The following DNAH12 variants were observed in gnomAD, a reference collection of about 807,000 sequenced individuals.
DNAH12 encodes dynein axonemal heavy chain 12.
Under a neutral mutation model 371.5 loss-of-function variants are expected in DNAH12, and 285 were observed. The ratio of observed to expected loss-of-function variants is 0.77; its 90% CI spans 0.70 to 0.85. The LOEUF is 0.85. DNAH12 is among the 40% of genes least tolerant of loss of function. DNAH12 has a pLI of 0.00. For synonymous variants in DNAH12, 1,200 were observed against 1,213.0 expected, an observed-to-expected ratio of 0.99 and a Z score of 0.22; for missense variants, 3,611 against 3,689.4, an observed-to-expected ratio of 0.98 and a Z score of 0.55.
intron 62 of DNAH12, among the ~76,000 whole-genome samples, chr3:57,326,798 T>C (rs377372530): frequency 5.9e-5 from 9 of 152,236 alleles, no homozygotes; most frequent in African/African-American, 7.2e-5. Flanking sequence ...CATCAGTGTG[T>C]TGTATTCAGG....
intron 62 of DNAH12, among the ~76,000 whole-genome samples, chr3:57,329,965 C>T (rs1451129816): frequency 1.3e-5 from 2 of 151,726 alleles, no homozygotes; most frequent in African/African-American, 4.8e-5. Context: ...TGAAAAAATG[C>T]TCACCATCAC....
In DNAH12 at chr3:57,293,987, G is replaced by A. The variant is rs2061176550; in HGVS notation, c.11693-16C>T. ...GATTTTTGAGCTTGAAAAAAAAAAA[G>A]AAATATATTCACTTGATAAAGGGAA... On this transcript the variant is annotated splice_polypyrimidine_tract_variant and intron_variant, in intron 73 of 73. Transcript: ENST00000495027. 5.8e-6 allele frequency: 8 copies of A among 1,390,834 alleles called. No homozygotes were observed. The highest frequency in any genetic ancestry group is 2.7e-5 in the East Asian group (1 of 37,370). 86.2% of individuals were successfully genotyped at this position (1,390,834 alleles called of 1,614,324 possible).
chr3:57,351,262 G>C lies in DNAH12; in HGVS notation c.9674+823C>G, dbSNP rs111840454. ...CCAGCCTGGGCAACAGAGTGAGACT[G>C]TCTCAAAACAAACAAACAAACAAAC... On this transcript the variant is annotated intron_variant, in intron 60 of 73. Transcript: ENST00000495027. 7.2e-3 allele frequency among the ~76,000 whole-genome samples: 1,079 copies of C among 150,836 alleles called. 7 individuals are homozygous for C. Among genetic ancestry groups the C allele is most frequent in the African/African-American group, 0.025 (1,005 of 41,016 alleles).
At chr3:57,452,138 C>T (rs1289898533) in intron 25 of DNAH12, among the ~76,000 whole-genome samples, 1 of 152,112 alleles carries the variant, frequency 6.6e-6, no homozygotes, top group Non-Finnish European at 1.5e-5. Context: ...ATTGAGGTCG[C>T]TGCAGTCTGG....
chr3:57,347,532 A>G (rs1463361541), intron 60 of DNAH12, among the ~76,000 whole-genome samples: 1 of 152,086 alleles, frequency 6.6e-6, no homozygotes, highest in Non-Finnish European at 1.5e-5. Flanking sequence ...CCTGGCCAAC[A>G]TGGTAAAACC....
intron 4 of DNAH12, among the ~76,000 whole-genome samples, chr3:57,518,877 A>G (rs2068303413): frequency 6.6e-6 from 1 of 152,206 alleles, no homozygotes; most frequent in Non-Finnish European, 1.5e-5. Flanking sequence ...CAATATATGA[A>G]AGGTAGCTGA....
chr3:57,444,585 G>C (rs1394610579), intron 29 of DNAH12, 112 bp downstream of exon 29: 2 of 1,444,172 alleles, frequency 1.4e-6, no homozygotes, highest in Non-Finnish European at 1.9e-6. Context: ...GGACAAAATA[G>C]GGGATTTTCC....
At chr3:57,500,382 C>T (rs2067498102) in intron 11 of DNAH12, among the ~76,000 whole-genome samples, 2 of 152,136 alleles carry the variant, frequency 1.3e-5, no homozygotes. Flanking sequence ...TAGATTACTT[C>T]CACAGCGAAA....
chr3:57,509,066 G>A lies in DNAH12; in HGVS notation c.542+74C>T. The A allele has an allele frequency of 7.1e-6, 9 of 1,271,744 alleles. No homozygotes were observed. In the South Asian group the frequency reaches 9.1e-5, roughly 13 times the overall value. 78.8% of individuals were successfully genotyped at this position (1,271,744 alleles called of 1,614,324 possible). A position where few individuals can be genotyped will look rare whatever the true frequency, so the allele number is the denominator to read the frequency against. ...CTTTGAGCATCACAATTGTATACTT[G>A]AAGGTAAGATCAGTTTATTTTTTAT... On this transcript the variant is annotated intron_variant, in intron 6 of 73. Transcript: ENST00000495027.
chr3:57,413,731 GAATTA>G lies in DNAH12; in HGVS notation c.6020+10_6020+14del, dbSNP rs1426650449. The G allele has an allele frequency of 1.9e-6, 3 of 1,544,142 alleles. No individual in the cohort carries two copies. In the African/African-American group the frequency reaches 4.1e-5, roughly 21 times the overall value. On this transcript the variant is annotated intron_variant, in intron 39 of 73. Transcript: ENST00000495027. ...AGGTATAACTTCAGCATAACTTATC[GAATTA>G]AATAGTTACCAATGTCCACAGTCAA... is the stretch of plus-strand genomic sequence containing the variant.
intron 59 of DNAH12, 95 bp from the exon 60 acceptor site, chr3:57,352,320 A>G (rs782630326): frequency 1.5e-6 from 2 of 1,303,134 alleles, no homozygotes; most frequent in South Asian, 1.5e-5. Context: ...TTATGAAAGT[A>G]TCACTATTAA....
intron 40 of DNAH12, among the ~76,000 whole-genome samples, chr3:57,407,923 A>G (rs918359776): frequency 1.3e-4 from 20 of 152,222 alleles, no homozygotes; most frequent in African/African-American, 3.9e-4. Flanking sequence ...AAAAAACGAC[A>G]AGTACCAGAG....
At chr3:57,324,714 T>A (rs1338891910) in intron 62 of DNAH12, among the ~76,000 whole-genome samples, 1 of 152,152 alleles carries the variant, frequency 6.6e-6, no homozygotes, top group African/African-American at 2.4e-5. Flanking sequence ...TGCCAGACAG[T>A]GGGCGCAGGT....
chr3:57,429,054 G>A (rs894156441), intron 33 of DNAH12, among the ~76,000 whole-genome samples: 2 of 152,250 alleles, frequency 1.3e-5, no homozygotes, highest in Non-Finnish European at 2.9e-5. Flanking sequence ...GAAACGCCTA[G>A]GATTTCCAAA....
chr3:57,500,047 T>TC (rs2067481820), intron 11 of DNAH12, among the ~76,000 whole-genome samples: 1 of 17,166 alleles, frequency 5.8e-5, no homozygotes, highest in African/African-American at 1.8e-4. Context: ...AGAATTACCT[T>TC]TTTTTTTTTT....
chr3:57,465,415 T>G (rs1284760913), intron 17 of DNAH12, among the ~76,000 whole-genome samples: 1 of 152,164 alleles, frequency 6.6e-6, no homozygotes, highest in Non-Finnish European at 1.5e-5. Flanking sequence ...CAATTTGTTT[T>G]ATAAGGCCAA....
intron 44 of DNAH12, among the ~76,000 whole-genome samples, chr3:57,392,403 A>G: frequency 6.6e-6 from 1 of 152,320 alleles, no homozygotes; most frequent in Middle Eastern, 3.4e-3. Context: ...CTAGTTATAA[A>G]TGTAAAATAT....
intron 2 of DNAH12, among the ~76,000 whole-genome samples, chr3:57,534,026 TC>T (rs1242935476): frequency 6.6e-6 from 1 of 152,164 alleles, no homozygotes; most frequent in Non-Finnish European, 1.5e-5. Context: ...TTCCCAGAAC[TC>T]AAGTTCTGAT....
intron 4 of DNAH12, among the ~76,000 whole-genome samples, chr3:57,514,459 C>T (rs1489162442): frequency 2.0e-5 from 3 of 150,766 alleles, no homozygotes; most frequent in Non-Finnish European, 3.0e-5. Context: ...TACAGTATGA[C>T]GCATTTTGTG....
Sources: gnomAD v4.1 joint callset for allele counts (sites outside exome capture counted in the v4.1 genomes callset) on GRCh38, gnomAD v4.1.1 for gene constraint, MANE v1.5 for transcripts, NCBI Gene and HGNC (gene_info 2026-07-23, HGNC 2026-07-21) for gene names.